GPC6: variants seen among roughly 807,000 people sequenced by gnomAD.
The protein encoded by GPC6 is glypican-6.
Under a neutral mutation model 55.2 loss-of-function variants are expected in GPC6, and 14 were observed. That is an observed-to-expected ratio of 0.25 (90% confidence interval 0.17 to 0.40). The LOEUF (loss-of-function observed/expected upper bound fraction) is 0.40, where lower values mean the gene tolerates loss of function less well. Among genes scored for constraint, GPC6 ranks in the 10% least tolerant of loss-of-function variants. GPC6 has a pLI of 1.00. For missense variants in GPC6, 641 were observed against 708.5 expected (o/e 0.90, Z 1.08); for synonymous variants, 278 against 259.6 (o/e 1.07, Z -0.68).
At chr13:93,572,873 A>G (rs1231882441) in intron 2 of GPC6, among the ~76,000 whole-genome samples, 1 of 152,120 alleles carries the variant, frequency 6.6e-6, no homozygotes, top group Non-Finnish European at 1.5e-5. Context: ...GTATCTCATG[A>G]CTATAGAAGA....
intron 1 of GPC6, among the ~76,000 whole-genome samples, chr13:93,363,197 A>G (rs897238327): frequency 1.3e-5 from 2 of 148,582 alleles, no homozygotes; most frequent in Non-Finnish European, 3.0e-5. Flanking sequence ...GGTTAGTTAC[A>G]TATGTATACA....
At chr13:93,375,481 T>A (rs1874845787) in intron 1 of GPC6, among the ~76,000 whole-genome samples, 1 of 152,188 alleles carries the variant, frequency 6.6e-6, no homozygotes, top group African/African-American at 2.4e-5. Context: ...TTCCTGGCAC[T>A]TCCCTCCCCA....
intron 2 of GPC6, among the ~76,000 whole-genome samples, chr13:93,771,962 C>T (rs1885315317): frequency 6.6e-6 from 1 of 152,080 alleles, no homozygotes; most frequent in Non-Finnish European, 1.5e-5. Context: ...AGTGTATATC[C>T]AGGTTGCCAA....
At chr13:93,245,724 A>G (rs1876582574) in intron 1 of GPC6, among the ~76,000 whole-genome samples, 1 of 152,132 alleles carries the variant, frequency 6.6e-6, no homozygotes, top group South Asian at 2.1e-4. Context: ...TGTTTTTTAC[A>G]TTGGTTGTGG....
intron 4 of GPC6, among the ~76,000 whole-genome samples, chr13:94,202,274 G>A (rs1395953951): frequency 1.3e-5 from 2 of 152,178 alleles, no homozygotes; most frequent in African/African-American, 4.8e-5. Context: ...ATAAAAAGAT[G>A]TGTAAGTTCT....
intron 3 of GPC6, among the ~76,000 whole-genome samples, chr13:93,991,729 T>G (rs529023630): frequency 6.6e-6 from 1 of 152,176 alleles, no homozygotes; most frequent in East Asian, 1.9e-4. Context: ...AAGGGAAGGG[T>G]GATTACTGAG....
At chr13:94,074,990 A>G (rs760604630) in intron 4 of GPC6, among the ~76,000 whole-genome samples, 4 of 152,130 alleles carry the variant, frequency 2.6e-5, no homozygotes, top group Non-Finnish European at 4.4e-5. Flanking sequence ...CTGGCCTATC[A>G]GATGTTTTTA....
At chr13:94,288,081 G>A (rs149822879) in intron 5 of GPC6, among the ~76,000 whole-genome samples, 6 of 152,238 alleles carry the variant, frequency 3.9e-5, no homozygotes, top group African/African-American at 9.6e-5. Context: ...CTGGGGACAG[G>A]AGTGAATAAG....
intron 1 of GPC6, among the ~76,000 whole-genome samples, chr13:93,450,945 C>G (rs1320580241): frequency 6.6e-6 from 1 of 152,108 alleles, no homozygotes; most frequent in Non-Finnish European, 1.5e-5. Context: ...CTGAAGGCAT[C>G]TAGACCAGTG....
At chr13:93,933,689 A>G (rs1399016956) in intron 3 of GPC6, among the ~76,000 whole-genome samples, 1 of 152,198 alleles carries the variant, frequency 6.6e-6, no homozygotes, top group Admixed American at 6.5e-5. Flanking sequence ...TAGTACTGTT[A>G]TTGTCACTCA....
At chr13:93,907,407 A>G (rs1322731353) in intron 3 of GPC6, among the ~76,000 whole-genome samples, 1 of 152,172 alleles carries the variant, frequency 6.6e-6, no homozygotes, top group African/African-American at 2.4e-5. Context: ...TCCACCTAAC[A>G]TTAAAGACAC....
rs766736489 is a variant in GPC6 at position 94,398,532 on chromosome 13, C to T, written c.1356C>T (p.Asp452=). 4 of 1,613,378 alleles carry T rather than the reference C, an allele frequency of 2.5e-6. No individual in the cohort carries two copies. The South Asian group carries it at 3.3e-5, about 13-fold the overall frequency. Reference sequence around the variant, plus strand: ...TCAACAATCCCGAGGTGGATGTGGACATCACTCGGCCTGACACTTTCATCA... The same window carrying T: ...TCAACAATCCCGAGGTGGATGTGGATATCACTCGGCCTGACACTTTCATCA... ...NQINNPEVDV[D]ITRPDTFIRQ... is the part of the protein sequence containing the mutation. Residue 452 remains aspartate, a synonymous_variant, in exon 8 of 9, where the codon GAC becomes GAT. Coordinates refer to ENST00000377047, the MANE Select transcript of GPC6 (RefSeq NM_005708.5).
intron 2 of GPC6, among the ~76,000 whole-genome samples, chr13:93,550,063 G>A (rs1192233456): frequency 6.6e-6 from 1 of 152,082 alleles, no homozygotes; most frequent in Non-Finnish European, 1.5e-5. Flanking sequence ...GAGAAAGGCA[G>A]GAACAGTATT....
chr13:94,078,428 A>G (rs1391835001), intron 4 of GPC6, among the ~76,000 whole-genome samples: 1 of 151,920 alleles, frequency 6.6e-6, no homozygotes, highest in Non-Finnish European at 1.5e-5. Context: ...TAAACAAAAT[A>G]GAGGTTGGAA....
chr13:94,003,055 G>A (rs183664672), intron 3 of GPC6, among the ~76,000 whole-genome samples: 7 of 152,202 alleles, frequency 4.6e-5, no homozygotes, highest in African/African-American at 1.4e-4. Flanking sequence ...TGAATAATTC[G>A]CATCTAGCTG....
chr13:93,984,746 C>CA, intron 3 of GPC6, among the ~76,000 whole-genome samples: 1 of 152,154 alleles, frequency 6.6e-6, no homozygotes, highest in East Asian at 1.9e-4. Flanking sequence ...TCTACATGTG[C>CA]AAACTAAAAG....
chr13:94,024,966 A>G (rs886488148), intron 3 of GPC6, among the ~76,000 whole-genome samples: 6 of 152,226 alleles, frequency 3.9e-5, no homozygotes, highest in African/African-American at 1.2e-4. Flanking sequence ...AATACCTTAT[A>G]TGATGTGCAT....
chr13:94,196,185 GT>G (rs34583361), intron 4 of GPC6, among the ~76,000 whole-genome samples: 7,315 of 141,830 alleles, frequency 0.052, 233 homozygotes, highest in African/African-American at 0.099. Context: ...AACCTTTTCA[GT>G]TTTTTTTTTT....
intron 3 of GPC6, among the ~76,000 whole-genome samples, chr13:93,844,197 G>A (rs949163086): frequency 6.6e-6 from 1 of 152,068 alleles, no homozygotes; most frequent in African/African-American, 2.4e-5. Flanking sequence ...GGAGTGCAAT[G>A]CCACGATCTC....
Sources: gnomAD v4.1 joint callset for allele counts (sites outside exome capture counted in the v4.1 genomes callset) on GRCh38, gnomAD v4.1.1 for gene constraint, MANE v1.5 for transcripts, NCBI Gene and HGNC (gene_info 2026-07-23, HGNC 2026-07-21) for gene names.